PWWP2A: variants seen among roughly 807,000 people sequenced by gnomAD.
PWWP2A encodes PWWP domain-containing protein 2A.
PWWP2A carries 18 observed loss-of-function variants against 48.5 expected under a neutral mutation model. The observed-to-expected ratio is 0.37, with a 90% CI of 0.26 to 0.55. The LOEUF is 0.55. Among genes scored for constraint, PWWP2A ranks in the 20% least tolerant of loss-of-function variants. The pLI, the probability that PWWP2A is intolerant of heterozygous loss-of-function variation, is 0.81. For synonymous variants in PWWP2A, 396 were observed against 387.7 expected (o/e 1.02, Z -0.25); for missense variants, 867 against 976.4 (o/e 0.89, Z 1.49).
downstream of PWWP2A, among the ~76,000 whole-genome samples, chr5:160,073,915 A>C (rs143886267): frequency 8.8e-3 from 1,328 of 151,556 alleles, 17 homozygotes; most frequent in Non-Finnish European, 9.2e-3. Context: ...AAATACAAAA[A>C]TTAGCCGGGC....
intron 1 of PWWP2A, among the ~76,000 whole-genome samples, chr5:160,114,224 AG>A (rs1322754024): frequency 1.3e-5 from 2 of 152,110 alleles, no homozygotes; most frequent in Non-Finnish European, 2.9e-5. Context: ...TAGAAATGGG[AG>A]GATGGCTTGA....
chr5:160,111,295 G>A (rs1288392760), intron 1 of PWWP2A, among the ~76,000 whole-genome samples: 3 of 152,110 alleles, frequency 2.0e-5, no homozygotes. Context: ...AGCCTCCCAA[G>A]TAGCTGGGAT....
intron 2 of PWWP2A, among the ~76,000 whole-genome samples, chr5:160,086,270 C>A (rs769620815): frequency 5.9e-5 from 9 of 152,068 alleles, no homozygotes; most frequent in Non-Finnish European, 1.0e-4. Flanking sequence ...GTAACCCCAC[C>A]ACTTTGGGAG....
intron 1 of PWWP2A, among the ~76,000 whole-genome samples, chr5:160,118,436 G>A (rs1225598239): frequency 1.1e-4 from 3 of 26,588 alleles, no homozygotes. Flanking sequence ...CCGTCCCCCC[G>A]TCCAACACTC....
At chr5:160,112,559 A>C (rs1403976846) in intron 1 of PWWP2A, among the ~76,000 whole-genome samples, 3 of 152,130 alleles carry the variant, frequency 2.0e-5, no homozygotes, top group Non-Finnish European at 4.4e-5. Flanking sequence ...GCTCAACAAA[A>C]TCTGATTTTA....
downstream of PWWP2A, among the ~76,000 whole-genome samples, chr5:160,074,143 AAAAAT>A (rs1238528418): frequency 6.6e-6 from 1 of 151,758 alleles, no homozygotes; most frequent in Non-Finnish European, 1.5e-5. Flanking sequence ...AGGATGCTTA[AAAAAT>A]AACATATTCT....
At chr5:160,107,123 G>C (rs954808965) in intron 1 of PWWP2A, among the ~76,000 whole-genome samples, 2 of 152,008 alleles carry the variant, frequency 1.3e-5, no homozygotes, top group East Asian at 1.9e-4. Flanking sequence ...CACCGTGACC[G>C]GCCTTAACCG....
chr5:160,118,541 G>A (rs1381420639), intron 1 of PWWP2A, among the ~76,000 whole-genome samples: 1 of 152,126 alleles, frequency 6.6e-6, no homozygotes, highest in Non-Finnish European at 1.5e-5. Flanking sequence ...CAGGCGTGAG[G>A]GGTGAGACCT....
downstream of PWWP2A, among the ~76,000 whole-genome samples, chr5:160,059,371 T>C (rs372528773): frequency 3.3e-5 from 5 of 152,224 alleles, no homozygotes; most frequent in East Asian, 7.7e-4. Flanking sequence ...CTTGGTAGGA[T>C]TGAAGAAAGT....
chr5:160,112,974 T>C (rs1384600587), intron 1 of PWWP2A, among the ~76,000 whole-genome samples: 1 of 152,046 alleles, frequency 6.6e-6, no homozygotes, highest in African/African-American at 2.4e-5. Flanking sequence ...CTGGCCAACA[T>C]GATGAAACAC....
At chr5:160,113,226 C>T (rs1757773224) in intron 1 of PWWP2A, 1 of 982,558 alleles carries the variant, frequency 1.0e-6, no homozygotes, top group Non-Finnish European at 1.2e-6. Flanking sequence ...CTATTTAGTA[C>T]CACTTTCTTT....
At chr5:160,104,256 C>A (rs984563811) in intron 1 of PWWP2A, among the ~76,000 whole-genome samples, 15 of 151,364 alleles carry the variant, frequency 9.9e-5, no homozygotes, top group Admixed American at 8.6e-4. Flanking sequence ...CTGGGCCACA[C>A]AGGGAGACCC....
intron 1 of PWWP2A, among the ~76,000 whole-genome samples, chr5:160,106,545 A>G (rs995278797): frequency 3.3e-5 from 5 of 152,220 alleles, no homozygotes; most frequent in African/African-American, 1.2e-4. Flanking sequence ...TAAAAAAACA[A>G]GAAATATGCA....
At chr5:160,108,534 C>A in intron 1 of PWWP2A, 1 of 1,265,076 alleles carries the variant, frequency 7.9e-7, no homozygotes, top group Non-Finnish European at 1.0e-6. Flanking sequence ...GCTACTGATA[C>A]CACTACTCAC....
At position 160,093,255 on chromosome 5, in the gene PWWP2A, A is replaced by T. The variant is rs1315361164; in HGVS notation, c.1395T>A (p.Pro465=). ...CCCGGGGTGGAAGGGAACCTGAGCT[A>T]GGATTCTGATATCGACGTGTGAAAT... ...KVHFTRRYQN[P]SSGSLPPRVR... Residue 465 remains proline (P), a synonymous_variant, in exon 2 of 2, where the codon CCT becomes CCA. Coordinates refer to ENST00000307063, the MANE Select transcript of PWWP2A (RefSeq NM_001130864.2). The surrounding 1 kb of genome is among the most constrained non-coding windows in gnomAD (Gnocchi z 5.8). 1.9e-6 allele frequency: 3 copies of T among 1,614,044 alleles called. No individual in the cohort carries two copies. The highest frequency in any genetic ancestry group is 2.5e-6 in the Non-Finnish European group (3 of 1,179,884).
At position 160,078,096 on chromosome 5, in the gene PWWP2A, C is replaced by G; in HGVS notation, c.*59G>C. The G allele has an allele frequency of 6.9e-7, 1 of 1,442,674 alleles. No homozygotes were observed. The highest frequency in any genetic ancestry group is 1.2e-5 in the South Asian group (1 of 81,840). 89.4% of individuals were successfully genotyped at this position (1,442,674 alleles called of 1,614,324 possible). A position where few individuals can be genotyped will look rare whatever the true frequency, so the allele number is the denominator to read the frequency against. On this transcript the variant is annotated 3_prime_UTR_variant, in exon 4 of 4. Transcript: ENST00000456329. This position sits in a 1 kb window ranked among gnomAD's most constrained non-coding sequence, Gnocchi z 4.2. ...TTTAAAAACTCCAATTTCATTCAGT[C>G]CTGATGCTCTGGTGTTCTCTGTGTC...
intron 1 of PWWP2A, among the ~76,000 whole-genome samples, chr5:160,095,047 C>CAAAAAAAAAAAAAAAAAAAAAAA (rs70987998): frequency 3.2e-5 from 1 of 30,882 alleles, no homozygotes; most frequent in Non-Finnish European, 5.5e-5. Flanking sequence ...GACTCTGTCT[C>CAAAAAAAAAAAAAAAAAAAAAAA]AAAAAAAAAA....
downstream of PWWP2A, chr5:160,061,723 G>A (rs144698844): frequency 6.6e-6 from 1 of 152,146 alleles, no homozygotes; most frequent in East Asian, 1.9e-4. Flanking sequence ...TAAAGGCAGA[G>A]ATACTGGAAT....
chr5:160,115,137 CAA>C (rs535110852), intron 1 of PWWP2A, among the ~76,000 whole-genome samples: 6,633 of 83,958 alleles, frequency 0.079, 33 homozygotes, highest in African/African-American at 0.094. Context: ...GAGACTCTGT[CAA>C]AAAAAAAAAA....
Sources: gnomAD v4.1 joint callset for allele counts (sites outside exome capture counted in the v4.1 genomes callset) on GRCh38, gnomAD v4.1.1 for gene constraint, Gnocchi (gnomAD v3.1) non-coding constraint, MANE v1.5 for transcripts, NCBI Gene and HGNC (gene_info 2026-07-23, HGNC 2026-07-21) for gene names.